PRKN: variants seen among roughly 807,000 people sequenced by gnomAD.
PRKN encodes parkin RBR E3 ubiquitin protein ligase.
In PRKN, 56 loss-of-function variants were observed where a neutral mutation model predicts 59.5. The observed-to-expected ratio is 0.94, with a 90% CI of 0.76 to 1.18. PRKN has a LOEUF of 1.18. PRKN is among the 50% of genes most tolerant of loss of function. PRKN has a pLI of 0.00. For missense variants in PRKN, 657 were observed against 596.4 expected (o/e 1.10, Z -1.06); for synonymous variants, 250 against 222.1 (o/e 1.13, Z -1.12).
intron 4 of PRKN, among the ~76,000 whole-genome samples, chr6:162,126,385 C>T (rs779698732): frequency 6.6e-6 from 1 of 152,140 alleles, no homozygotes; most frequent in Non-Finnish European, 1.5e-5. Flanking sequence ...GTTACTTATC[C>T]TTTAACCGTG....
chr6:162,713,714 T>G (rs1376612434), intron 1 of PRKN, among the ~76,000 whole-genome samples: 1 of 152,078 alleles, frequency 6.6e-6, no homozygotes, highest in Non-Finnish European at 1.5e-5. Context: ...GGCAAAATAT[T>G]TGTCTGTTAG....
At chr6:162,396,591 G>A (rs949306978) in intron 2 of PRKN, among the ~76,000 whole-genome samples, 34 of 152,090 alleles carry the variant, frequency 2.2e-4, no homozygotes, top group African/African-American at 7.2e-4. Flanking sequence ...GTCCCACATC[G>A]AGCAGACCCA....
Position 161,447,267 on chromosome 6 carries a change from G to A in PRKN, c.1084-60390C>T, listed in dbSNP as rs751877301. Among the ~76,000 whole-genome samples the A allele has an allele frequency of 6.6e-6, 1 of 152,032 alleles. No individual in the cohort carries two copies. Among genetic ancestry groups the A allele is most frequent in the African/African-American group, 2.4e-5 (1 of 41,386 alleles). ...GTGTCTAAATTCTTCGGTTCTCTCT[G>A]ACATGCTCAATCTAGGGTTTCCCGC... On this transcript the variant is annotated intron_variant, in intron 9 of 11. Coordinates refer to ENST00000366898, the MANE Select transcript of PRKN (RefSeq NM_004562.3). The surrounding 1 kb of genome is among the most constrained non-coding windows in gnomAD (Gnocchi z 4.1).
At position 161,399,286 on chromosome 6, in the gene PRKN, G is replaced by T. The variant is rs1786918533; in HGVS notation, c.1084-12409C>A. Among the ~76,000 whole-genome samples, 1 of 152,182 alleles carries T rather than the reference G, an allele frequency of 6.6e-6. No individual in the cohort carries two copies. Among genetic ancestry groups the T allele is most frequent in the Non-Finnish European group, 1.5e-5 (1 of 68,038 alleles). On this transcript the variant is annotated intron_variant, in intron 9 of 11. Transcript: ENST00000366898. The surrounding 1 kb of genome is among the most constrained non-coding windows in gnomAD (Gnocchi z 4.4). ...GGTGACCTGATTTTTCTGGATGCCA[G>T]ACAAGAACTTGGAATATGGAAAGCT...
At position 161,484,866 on chromosome 6, in the gene PRKN, G is replaced by A. The variant is rs1236175412; in HGVS notation, c.1083+63988C>T. 1.3e-5 allele frequency among the ~76,000 whole-genome samples: 2 copies of A among 150,150 alleles called. No individual in the cohort carries two copies. The highest frequency in any genetic ancestry group is 3.9e-4 in the East Asian group (2 of 5,182). On this transcript the variant is annotated intron_variant, in intron 9 of 11. Transcript: ENST00000366898. The surrounding 1 kb of genome is among the most constrained non-coding windows in gnomAD (Gnocchi z 4.9). ...CAAAGGTGTCTGCTCCTAACCACCTGCCTCTCAAAGGTGTCTGCTCCTAAC... is the reference window on the plus strand; with the variant it reads ...CAAAGGTGTCTGCTCCTAACCACCTACCTCTCAAAGGTGTCTGCTCCTAAC...
chr6:162,496,715 T>C (rs1270774812), intron 1 of PRKN, among the ~76,000 whole-genome samples: 1 of 152,216 alleles, frequency 6.6e-6, no homozygotes, highest in Non-Finnish European at 1.5e-5. Flanking sequence ...GAAGCAATGA[T>C]ATCTATGTGA....
At chr6:161,648,525 T>C (rs1784040145) in intron 7 of PRKN, among the ~76,000 whole-genome samples, 1 of 152,180 alleles carries the variant, frequency 6.6e-6, no homozygotes. Flanking sequence ...AGTTCTTAAT[T>C]GCCAATGTGG....
chr6:161,906,104 A>C (rs531260353), intron 6 of PRKN, among the ~76,000 whole-genome samples: 21 of 152,202 alleles, frequency 1.4e-4, no homozygotes, highest in South Asian at 8.3e-4. Flanking sequence ...AAATGTTGGG[A>C]CTACAGGTAT....
chr6:161,877,602 G>C (rs1794780215), intron 6 of PRKN, among the ~76,000 whole-genome samples: 1 of 151,670 alleles, frequency 6.6e-6, no homozygotes, highest in East Asian at 1.9e-4. Flanking sequence ...TGAGACTACA[G>C]GTGCCCGCCA....
chr6:162,459,187 A>T (rs1791045688), intron 1 of PRKN, among the ~76,000 whole-genome samples: 1 of 152,174 alleles, frequency 6.6e-6, no homozygotes, highest in Non-Finnish European at 1.5e-5. Context: ...ATTGAAGCAG[A>T]TACAGTCCAA....
At chr6:161,434,147 G>T (rs557608445) in intron 9 of PRKN, among the ~76,000 whole-genome samples, 17 of 152,096 alleles carry the variant, frequency 1.1e-4, no homozygotes, top group African/African-American at 3.9e-4. Flanking sequence ...TTGTATGTGG[G>T]GAATATATTA....
chr6:161,635,170 A>G (rs920523051), intron 7 of PRKN, among the ~76,000 whole-genome samples: 2 of 152,248 alleles, frequency 1.3e-5, no homozygotes, highest in African/African-American at 4.8e-5. Context: ...GTGAAGTAGA[A>G]AAAAGAGTAG....
At chr6:161,476,173 T>A (rs969798671) in intron 9 of PRKN, among the ~76,000 whole-genome samples, 1 of 148,666 alleles carries the variant, frequency 6.7e-6, no homozygotes, top group Non-Finnish European at 1.5e-5. Flanking sequence ...GGCGACAGAG[T>A]GAGACTCTGT....
intron 2 of PRKN, among the ~76,000 whole-genome samples, chr6:162,284,968 A>G (rs1405624957): frequency 6.6e-6 from 1 of 152,150 alleles, no homozygotes; most frequent in East Asian, 1.9e-4. Context: ...GGTGGGTCTT[A>G]TCTAACATGA....
intron 1 of PRKN, among the ~76,000 whole-genome samples, chr6:162,449,738 CAT>C (rs1790499484): frequency 6.6e-6 from 1 of 152,126 alleles, no homozygotes; most frequent in African/African-American, 2.4e-5. Flanking sequence ...CCCACTTATA[CAT>C]AGAGGCCAGG....
chr6:161,551,692 T>C lies in PRKN; in HGVS notation c.934-2689A>G, dbSNP rs1583218708. Among the ~76,000 whole-genome samples, 1 of 152,072 alleles carries C rather than the reference T, an allele frequency of 6.6e-6. No homozygotes were observed. Among genetic ancestry groups the C allele is most frequent in the African/African-American group, 2.4e-5 (1 of 41,390 alleles). Reference sequence around the variant, plus strand: ...GGAGAGAAATTCAAAGAAGTGAGAATAGACACTTTTTTAAAGGAGTTTGCC... The same window carrying C: ...GGAGAGAAATTCAAAGAAGTGAGAACAGACACTTTTTTAAAGGAGTTTGCC... On this transcript the variant is annotated intron_variant, in intron 8 of 11. Coordinates refer to ENST00000366898, the MANE Select transcript of PRKN (RefSeq NM_004562.3). The surrounding 1 kb of genome is among the most constrained non-coding windows in gnomAD (Gnocchi z 5.2).
chr6:162,576,810 CA>C (rs573857313), intron 1 of PRKN, among the ~76,000 whole-genome samples: 36,806 of 91,774 alleles, frequency 0.4, 4,922 homozygotes, highest in East Asian at 0.8. Context: ...GAGACTCCGT[CA>C]AAAAAAAAAA....
In PRKN at chr6:161,423,245, C is replaced by T. The variant is rs1363512967; in HGVS notation, c.1084-36368G>A. Reference sequence around the variant, plus strand: ...CCCCAAATGAATAGGGAGGCACTCACGTTAATTTTTCTCAACTAGTATCTG... The same window carrying T: ...CCCCAAATGAATAGGGAGGCACTCATGTTAATTTTTCTCAACTAGTATCTG... On this transcript the variant is annotated intron_variant, in intron 9 of 11. Coordinates refer to ENST00000366898, the MANE Select transcript of PRKN (RefSeq NM_004562.3). The surrounding 1 kb of genome is among the most constrained non-coding windows in gnomAD (Gnocchi z 5.9). 1.3e-5 allele frequency among the ~76,000 whole-genome samples: 2 copies of T among 152,110 alleles called. No individual in the cohort carries two copies. Among genetic ancestry groups the T allele is most frequent in the African/African-American group, 2.4e-5 (1 of 41,402 alleles).
At chr6:162,486,156 T>C (rs1197070684) in intron 1 of PRKN, among the ~76,000 whole-genome samples, 1 of 152,176 alleles carries the variant, frequency 6.6e-6, no homozygotes, top group Non-Finnish European at 1.5e-5. Flanking sequence ...CAGGGGAAAG[T>C]GCTGTTAATA....
Sources: allele counts gnomAD v4.1 joint callset (sites outside exome capture counted in the v4.1 genomes callset), GRCh38; gene constraint gnomAD v4.1.1; non-coding constraint Gnocchi (gnomAD v3.1); transcripts MANE v1.5; gene names NCBI Gene and HGNC (gene_info 2026-07-23, HGNC 2026-07-21).